GABRB3: variants seen among roughly 807,000 people sequenced by gnomAD.
The protein encoded by GABRB3 is gamma-aminobutyric acid type A receptor subunit beta3, also known as gamma-aminobutyric acid receptor subunit beta-3.
A neutral mutation model predicts 52.1 loss-of-function variants in GABRB3; 14 were observed. The observed-to-expected ratio is 0.27, with a 90% CI of 0.18 to 0.42. The LOEUF is 0.42. GABRB3 is among the 10% of genes least tolerant of loss of function. The pLI is 1.00. For missense variants in GABRB3, 307 were observed against 609.1 expected (o/e 0.50, Z 5.22); for synonymous variants, 260 against 232.3 (o/e 1.12, Z -1.08).
chr15:26,661,841 G>A (rs146390636), intron 3 of GABRB3, among the ~76,000 whole-genome samples: 16 of 152,188 alleles, frequency 1.1e-4, no homozygotes, highest in African/African-American at 2.9e-4. Context: ...TCCTCAGGCC[G>A]AAGTACTGCC....
intron 3 of GABRB3, among the ~76,000 whole-genome samples, chr15:26,739,087 T>C: frequency 6.6e-6 from 1 of 152,128 alleles, no homozygotes; most frequent in Non-Finnish European, 1.5e-5. Flanking sequence ...TGGCCCGCAG[T>C]GACCCAGCTC....
At chr15:26,751,386 G>T (rs975470697) in intron 3 of GABRB3, among the ~76,000 whole-genome samples, 1 of 152,144 alleles carries the variant, frequency 6.6e-6, no homozygotes, top group East Asian at 1.9e-4. Flanking sequence ...AAGCTGCATT[G>T]TTCCAAAGGC....
chr15:26,597,454 G>T (rs530799835), intron 4 of GABRB3, among the ~76,000 whole-genome samples: 1 of 152,280 alleles, frequency 6.6e-6, no homozygotes, highest in African/African-American at 2.4e-5. Flanking sequence ...TTGTTAAGGT[G>T]ACAAGATAGA....
At chr15:26,644,239 T>C (rs1447212368) in intron 3 of GABRB3, among the ~76,000 whole-genome samples, 2 of 152,244 alleles carry the variant, frequency 1.3e-5, no homozygotes, top group African/African-American at 2.4e-5. Context: ...TCCTGCTACA[T>C]GGAAAACAGT....
chr15:26,545,194 TTGTG>T lies in GABRB3; in HGVS notation c.*2595_*2598del, dbSNP rs10569776. On this transcript the variant is annotated 3_prime_UTR_variant, in exon 9 of 9. Transcript: ENST00000311550. ...GTTTTTACAGAATATATGTATGTAT[TTGTG>T]TGTGTGTGTGTGTGTGTGTGTGTAG... 0.018 allele frequency: 2,699 copies of T among 149,768 alleles called. 36 individuals are homozygous for T. Among genetic ancestry groups the T allele is most frequent in the African/African-American group, 0.038 (1,549 of 40,852 alleles). 9.3% of individuals were successfully genotyped at this position (149,768 alleles called of 1,614,324 possible). A position where few individuals can be genotyped will look rare whatever the true frequency, so the allele number is the denominator to read the frequency against.
At chr15:26,589,313 T>C (rs565567279) in intron 4 of GABRB3, among the ~76,000 whole-genome samples, 1 of 152,198 alleles carries the variant, frequency 6.6e-6, no homozygotes, top group Non-Finnish European at 1.5e-5. Flanking sequence ...CTGCAAACAT[T>C]TGTCTGAAAC....
intron 3 of GABRB3, among the ~76,000 whole-genome samples, chr15:26,692,217 T>C (rs1888609431): frequency 6.6e-6 from 1 of 152,340 alleles, no homozygotes; most frequent in Middle Eastern, 3.4e-3. Context: ...GTGATCTTTC[T>C]CTTCTCAGAA....
intron 3 of GABRB3, among the ~76,000 whole-genome samples, chr15:26,664,749 G>C (rs2140618797): frequency 7.7e-6 from 1 of 129,472 alleles, no homozygotes; most frequent in Non-Finnish European, 1.6e-5. Flanking sequence ...TTGTTGCTCA[G>C]GCTGGAGTGC....
intron 3 of GABRB3, among the ~76,000 whole-genome samples, chr15:26,767,743 G>A (rs1381389240): frequency 2.0e-5 from 3 of 152,274 alleles, no homozygotes; most frequent in East Asian, 1.9e-4. Flanking sequence ...CTGAAGTAGG[G>A]GGAAGGAGGA....
chr15:26,756,369 A>G (rs2140177714), intron 3 of GABRB3, among the ~76,000 whole-genome samples: 1 of 151,452 alleles, frequency 6.6e-6, no homozygotes, highest in South Asian at 2.1e-4. Flanking sequence ...GGAGTTTGAG[A>G]CCACCCCAGG....
intron 3 of GABRB3, chr15:26,624,710 T>TATC (rs1473097586): frequency 1.0e-6 from 1 of 983,922 alleles, no homozygotes; most frequent in Non-Finnish European, 1.2e-6. Flanking sequence ...TGGCAAGGAC[T>TATC]ATCACATCAG....
chr15:26,748,947 AC>A (rs1415409329), intron 3 of GABRB3, among the ~76,000 whole-genome samples: 3 of 152,080 alleles, frequency 2.0e-5, no homozygotes, highest in Admixed American at 2.0e-4. Context: ...AATCACTTGA[AC>A]CCAAATGGTG....
chr15:26,706,153 T>C (rs545674930), intron 3 of GABRB3, among the ~76,000 whole-genome samples: 1 of 152,298 alleles, frequency 6.6e-6, no homozygotes, highest in African/African-American at 2.4e-5. Context: ...CTCCACTCAA[T>C]GTTCATTCAC....
intron 3 of GABRB3, among the ~76,000 whole-genome samples, chr15:26,767,483 TCAATTGTGTCCCCACA>T (rs1891030507): frequency 1.3e-5 from 2 of 152,206 alleles, no homozygotes; most frequent in South Asian, 2.1e-4. Context: ...CACTTTGGTA[TCAATTGTGTCCCCACA>T]CAATGGGCAT....
At chr15:26,725,736 A>T (rs1889754730) in intron 3 of GABRB3, among the ~76,000 whole-genome samples, 1 of 152,198 alleles carries the variant, frequency 6.6e-6, no homozygotes, top group African/African-American at 2.4e-5. Context: ...ATGGGACCCA[A>T]GTCTAAGCAT....
intron 8 of GABRB3, among the ~76,000 whole-genome samples, chr15:26,549,887 C>G (rs1889394282): frequency 1.3e-5 from 2 of 152,176 alleles, no homozygotes; most frequent in African/African-American, 4.8e-5. Context: ...CTCCTATCTC[C>G]TTGCCAGTTG....
Position 26,616,330 on chromosome 15 carries a change from G to C in GABRB3, c.461+4984C>G, listed in dbSNP as rs560518522. 2.7e-5 allele frequency among the ~76,000 whole-genome samples: 4 copies of C among 146,332 alleles called. No homozygotes were observed. In the East Asian group the frequency reaches 7.8e-4, roughly 29 times the overall value. On this transcript the variant is annotated intron_variant, in intron 4 of 8. Coordinates refer to ENST00000311550, the MANE Select transcript of GABRB3 (RefSeq NM_000814.6). ...ATATGAGTTTAATGATCAGGGTTGA[G>C]ACTTATTAATTTGCTCTTTTGTCCA...
At chr15:26,663,838 T>C (rs1451677741) in intron 3 of GABRB3, among the ~76,000 whole-genome samples, 1 of 152,196 alleles carries the variant, frequency 6.6e-6, no homozygotes, top group Admixed American at 6.5e-5. Context: ...ATGAACATCT[T>C]TTGGAAGTCC....
chr15:26,611,577 T>C (rs1595481395), intron 4 of GABRB3, among the ~76,000 whole-genome samples: 2 of 152,200 alleles, frequency 1.3e-5, no homozygotes, highest in East Asian at 3.8e-4. Flanking sequence ...TGCTAAATTT[T>C]TGTCCTAAAG....
Sources: allele counts gnomAD v4.1 joint callset (sites outside exome capture counted in the v4.1 genomes callset), GRCh38; gene constraint gnomAD v4.1.1; transcripts MANE v1.5; gene names NCBI Gene and HGNC (gene_info 2026-07-23, HGNC 2026-07-21).